Variants in IGF2R observed in about 807,000 individuals in gnomAD.
IGF2R encodes the protein insulin like growth factor 2 receptor.
Under a neutral mutation model 270.6 loss-of-function variants are expected in IGF2R, and 91 were observed. The ratio of observed to expected loss-of-function variants is 0.34; its 90% CI spans 0.28 to 0.40. IGF2R has a LOEUF of 0.40. IGF2R is among the 10% of genes least tolerant of loss of function. The pLI is 1.00. For missense variants in IGF2R, 2,805 were observed against 3,188.3 expected, an observed-to-expected ratio of 0.88 and a Z score of 2.90; for synonymous variants, 1,316 against 1,258.9, an observed-to-expected ratio of 1.05 and a Z score of -0.96.
chr6:159,969,848 G>T (rs1413992675), intron 1 of IGF2R, among the ~76,000 whole-genome samples: 1 of 152,184 alleles, frequency 6.6e-6, no homozygotes, highest in African/African-American at 2.4e-5. Flanking sequence ...TCACCGGGGC[G>T]TTGGAGCCCG....
chr6:159,990,774 C>T (rs141505880), intron 1 of IGF2R, among the ~76,000 whole-genome samples: 2,970 of 152,212 alleles, frequency 0.02, 106 homozygotes, highest in African/African-American at 0.068. Flanking sequence ...TAATTATAGG[C>T]GTGTGCCACC....
At chr6:160,030,998 C>T (rs1009812604) in intron 7 of IGF2R, among the ~76,000 whole-genome samples, 17 of 152,240 alleles carry the variant, frequency 1.1e-4, no homozygotes, top group South Asian at 4.1e-4. Flanking sequence ...TGTGCCACCA[C>T]GCCTGGCTAA....
intron 16 of IGF2R, 25 bp downstream of exon 16, chr6:160,047,361 G>C: frequency 2.6e-6 from 4 of 1,540,556 alleles, no homozygotes; most frequent in Non-Finnish European, 3.5e-6. Context: ...TCCTCATCGC[G>C]CTCCCTGAGG....
chr6:160,016,936 G>A (rs182434354), intron 4 of IGF2R, among the ~76,000 whole-genome samples: 54 of 152,314 alleles, frequency 3.5e-4, no homozygotes, highest in African/African-American at 1.2e-3. Context: ...AGGAAGCAGG[G>A]TAACAATTCT....
chr6:159,976,168 G>GT (rs1379031492), intron 1 of IGF2R, among the ~76,000 whole-genome samples: 1 of 151,802 alleles, frequency 6.6e-6, no homozygotes, highest in Non-Finnish European at 1.5e-5. Flanking sequence ...TTTGATTATG[G>GT]TTTTTTCTAG....
chr6:160,085,212 G>A (rs902611423), intron 41 of IGF2R, 81 bp downstream of exon 41: 14 of 1,462,116 alleles, frequency 9.6e-6, no homozygotes, highest in Non-Finnish European at 1.3e-5. Context: ...GGATGGCAAG[G>A]AGAGTGAGCA....
chr6:160,048,067 T>A (rs6909681), intron 17 of IGF2R, among the ~76,000 whole-genome samples, 160 bp downstream of exon 17: 81,049 of 152,146 alleles, frequency 0.53, 21,870 homozygotes, highest in East Asian at 0.67. Flanking sequence ...TTCTAATAAC[T>A]GTCTGGTCGC....
At position 160,034,403 on chromosome 6, in the gene IGF2R, A is replaced by T. The variant is rs999054697; in HGVS notation, c.1212-16A>T. ...TTCTCCCAAACACATTTGTCTGTGT[A>T]TTCACAAAAATCTAGATATTCGGAT... is the stretch of plus-strand genomic sequence containing the variant. On this transcript the variant is annotated splice_polypyrimidine_tract_variant and intron_variant, in intron 9 of 47. Coordinates refer to ENST00000356956, the MANE Select transcript of IGF2R (RefSeq NM_000876.4). The T allele has an allele frequency of 2.0e-6, 3 of 1,524,378 alleles. No homozygotes were observed. In the South Asian group the frequency reaches 3.4e-5, roughly 17 times the overall value. The allele number at this position is 1,524,378 out of a possible 1,614,324, so 94.4% of individuals were successfully genotyped here.
At chr6:160,020,687 A>G (rs1321784880) in intron 4 of IGF2R, among the ~76,000 whole-genome samples, 1 of 152,328 alleles carries the variant, frequency 6.6e-6, no homozygotes, top group Non-Finnish European at 1.5e-5. Flanking sequence ...AAAAACATAC[A>G]CTGGGGAAAG....
chr6:160,105,020 C>G lies in IGF2R; in HGVS notation c.7412C>G (p.Thr2471Arg). 6.2e-7 allele frequency: 1 copy of G among 1,612,854 alleles called. No individual in the cohort carries two copies. Among genetic ancestry groups the G allele is most frequent in the Non-Finnish European group, 8.5e-7 (1 of 1,179,402 alleles). Reference protein sequence around the residue: ...KGKSSSAQQKTVSSTKLVSFH... With the variant: ...KGKSSSAQQKRVSSTKLVSFH... The stretch of plus-strand genomic sequence containing the variant: ...AAGTCCAGCTCTGCACAGCAGAAGA[C>G]AGTGAGCTCCACCAAGCTGGTGTCC... The change falls in exon 48 of 48, where the codon ACA (threonine) becomes AGA (arginine). Residue 2471 changes from threonine to arginine, a missense_variant. Coordinates refer to ENST00000356956, the MANE Select transcript of IGF2R (RefSeq NM_000876.4).
chr6:159,989,415 T>A (rs1463274547), intron 1 of IGF2R, among the ~76,000 whole-genome samples: 1 of 152,090 alleles, frequency 6.6e-6, no homozygotes, highest in African/African-American at 2.4e-5. Context: ...AGGGAGTGCT[T>A]CTGTCGTCAA....
chr6:160,090,172 T>TGAAGGGAGTTAGTTGAA, intron 44 of IGF2R, 69 bp downstream of exon 44: 2 of 1,130,066 alleles, frequency 1.8e-6, no homozygotes, highest in Non-Finnish European at 2.4e-6. Flanking sequence ...AATTTTCAAC[T>TGAAGGGAGTTAGTTGAA]AACTCCCTTC....
chr6:160,066,280 G>T (rs1448909339), intron 29 of IGF2R, among the ~76,000 whole-genome samples: 1 of 151,954 alleles, frequency 6.6e-6, no homozygotes, highest in Non-Finnish European at 1.5e-5. Flanking sequence ...CTCCCAAAGT[G>T]CTGGGATTAC....
intron 35 of IGF2R, among the ~76,000 whole-genome samples, chr6:160,074,704 A>G (rs1298098411): frequency 6.6e-6 from 1 of 152,234 alleles, no homozygotes; most frequent in Non-Finnish European, 1.5e-5. Context: ...TTCTGTCTGT[A>G]TCATCTATTA....
At chr6:160,097,823 C>T (rs760651791) in intron 45 of IGF2R, among the ~76,000 whole-genome samples, 3 of 152,146 alleles carry the variant, frequency 2.0e-5, no homozygotes, top group African/African-American at 2.4e-5. Flanking sequence ...CTCCCCCTGC[C>T]CACCCTTAAC....
At position 160,102,792 on chromosome 6, in the gene IGF2R, G is replaced by A. The variant is rs902307478; in HGVS notation, c.6995+121G>A. The A allele has an allele frequency of 2.5e-5, 29 of 1,179,678 alleles. No individual in the cohort carries two copies. The highest frequency in any genetic ancestry group is 3.2e-5 in the Non-Finnish European group (27 of 855,058). 73.1% of individuals were successfully genotyped at this position (1,179,678 alleles called of 1,614,324 possible). A position where few individuals can be genotyped will look rare whatever the true frequency, so the allele number is the denominator to read the frequency against. ...AAGCCCTACAGCAGCGAAGGCTCGA[G>A]GTTCTTAGTCCAAAACTCTCTGGAA... On this transcript the variant is annotated intron_variant, in intron 46 of 47. Transcript: ENST00000356956. This position sits in a 1 kb window ranked among gnomAD's most constrained non-coding sequence, Gnocchi z 4.5.
intron 26 of IGF2R, 121 bp downstream of exon 26, chr6:160,062,740 T>G (rs1778468910): frequency 1.6e-6 from 1 of 630,850 alleles, no homozygotes; most frequent in Non-Finnish European, 2.7e-6. Flanking sequence ...AGACACACGC[T>G]AGGGGGAGGA....
chr6:159,981,166 T>C (rs1024260383), intron 1 of IGF2R, among the ~76,000 whole-genome samples: 12 of 152,256 alleles, frequency 7.9e-5, no homozygotes, highest in Non-Finnish European at 1.6e-4. Context: ...TGGACTCACC[T>C]GTCTCTGTTG....
At chr6:159,993,148 TA>T (rs1784003483) in intron 2 of IGF2R, among the ~76,000 whole-genome samples, 2 of 152,226 alleles carry the variant, frequency 1.3e-5, no homozygotes, top group Admixed American at 1.3e-4. Context: ...TTCTGGATGT[TA>T]GTCCTTTGTC....
Sources: gnomAD v4.1 joint callset for allele counts (sites outside exome capture counted in the v4.1 genomes callset) on GRCh38, gnomAD v4.1.1 for gene constraint, Gnocchi (gnomAD v3.1) non-coding constraint, MANE v1.5 for transcripts, NCBI Gene and HGNC (gene_info 2026-07-23, HGNC 2026-07-21) for gene names.